NLGN1: variants seen among roughly 807,000 people sequenced by gnomAD.
The protein encoded by NLGN1 is neuroligin 1.
A neutral mutation model predicts 65.5 loss-of-function variants in NLGN1; 12 were observed. That is an observed-to-expected ratio of 0.18 (90% CI 0.12 to 0.30). The LOEUF (loss-of-function observed/expected upper bound fraction) is 0.30, where lower values mean the gene tolerates loss of function less well. NLGN1 is among the 10% of genes least tolerant of loss of function. The pLI, the probability that NLGN1 is intolerant of heterozygous loss-of-function variation, is 1.00. For synonymous variants in NLGN1, 350 were observed against 359.5 expected (o/e 0.97, Z 0.30); for missense variants, 750 against 1,007.1 (o/e 0.74, Z 3.46).
At chr3:173,716,846 G>A (rs190308346) in intron 3 of NLGN1, among the ~76,000 whole-genome samples, 5 of 152,028 alleles carry the variant, frequency 3.3e-5, no homozygotes, top group East Asian at 3.9e-4. Context: ...AATATTTGTC[G>A]TGTATCTTGA....
intron 4 of NLGN1, among the ~76,000 whole-genome samples, chr3:173,850,925 T>C (rs1369229489): frequency 1.3e-5 from 2 of 151,742 alleles, no homozygotes; most frequent in South Asian, 2.1e-4. Flanking sequence ...TTTTACTTTC[T>C]GTAGAGATGA....
intron 4 of NLGN1, among the ~76,000 whole-genome samples, chr3:174,250,196 A>G (rs1235296505): frequency 6.6e-6 from 1 of 152,206 alleles, no homozygotes; most frequent in Non-Finnish European, 1.5e-5. Context: ...CAGGGCTATT[A>G]TATCAATTAA....
At chr3:174,134,474 C>T (rs935414971) in intron 4 of NLGN1, among the ~76,000 whole-genome samples, 4 of 151,934 alleles carry the variant, frequency 2.6e-5, no homozygotes, top group South Asian at 2.1e-4. Flanking sequence ...TAACACATTA[C>T]GGATGAAAAA....
rs559792706 is a variant in NLGN1 at position 173,754,926 on chromosome 3, C to T, written c.494-52754C>T. The stretch of plus-strand genomic sequence containing the variant: ...AATTCCAGTATTTGTCACCTTCAAT[C>T]ACTCATCACAGAGTTTACCATGAAA... On this transcript the variant is annotated intron_variant, in intron 3 of 6. Transcript: ENST00000457714. Among the ~76,000 whole-genome samples the T allele has an allele frequency of 2.6e-5, 4 of 152,174 alleles. No individual in the cohort carries two copies. In the South Asian group the frequency reaches 8.3e-4, roughly 32 times the overall value.
chr3:174,132,044 G>T (rs1447925012), intron 4 of NLGN1, among the ~76,000 whole-genome samples: 1 of 152,156 alleles, frequency 6.6e-6, no homozygotes, highest in Non-Finnish European at 1.5e-5. Context: ...ATTCATAGTT[G>T]TTATTCTTCA....
intron 2 of NLGN1, among the ~76,000 whole-genome samples, chr3:173,446,193 C>T (rs1720252074): frequency 6.6e-6 from 1 of 150,386 alleles, no homozygotes; most frequent in East Asian, 2.0e-4. Context: ...TTAGGTATAT[C>T]TCCTAATGCT....
At chr3:173,607,684 C>T (rs887066358) in intron 3 of NLGN1, among the ~76,000 whole-genome samples, 1 of 151,352 alleles carries the variant, frequency 6.6e-6, no homozygotes, top group Non-Finnish European at 1.5e-5. Context: ...AATTATTAGT[C>T]CCTTTATATC....
chr3:173,871,394 A>C (rs1731139121), intron 4 of NLGN1, among the ~76,000 whole-genome samples: 1 of 152,208 alleles, frequency 6.6e-6, no homozygotes, highest in African/African-American at 2.4e-5. Context: ...CTCAGTGATA[A>C]CAGGAAGTAT....
chr3:173,608,250 A>G (rs1419012449), intron 3 of NLGN1, among the ~76,000 whole-genome samples: 1 of 151,900 alleles, frequency 6.6e-6, no homozygotes, highest in African/African-American at 2.4e-5. Context: ...TCCCAGTTGT[A>G]CTTTTTAATC....
chr3:173,967,106 G>C (rs1040043140), intron 4 of NLGN1, among the ~76,000 whole-genome samples: 13 of 152,212 alleles, frequency 8.5e-5, no homozygotes, highest in Admixed American at 8.5e-4. Context: ...CTGAAATTCA[G>C]ATTTACTGGG....
chr3:174,147,319 A>G (rs575454548), intron 4 of NLGN1, among the ~76,000 whole-genome samples: 1 of 151,858 alleles, frequency 6.6e-6, no homozygotes, highest in Non-Finnish European at 1.5e-5. Flanking sequence ...TCTACCGAAC[A>G]AGAGCAAATT....
rs137943391 is a variant in NLGN1, at chr3:173,462,104, G to A, written c.-321+27026G>A. Among the ~76,000 whole-genome samples the A allele has an allele frequency of 4.6e-3, 699 of 152,252 alleles. 9 individuals carry two copies. Among genetic ancestry groups the A allele is most frequent in the African/African-American group, 0.016 (651 of 41,548 alleles). On this transcript the variant is annotated intron_variant, in intron 2 of 6. Coordinates refer to ENST00000457714, the Ensembl canonical transcript of NLGN1. Reference sequence around the variant, plus strand: ...AGAATTTTTTATTATTAGGTTCAGTGCTGTTACTGTTTTGAATTCCTATAA... The same window carrying A: ...AGAATTTTTTATTATTAGGTTCAGTACTGTTACTGTTTTGAATTCCTATAA...
rs537683431 is a variant in NLGN1, at chr3:173,718,004, T to G, written c.494-89676T>G. On this transcript the variant is annotated intron_variant, in intron 3 of 6. Coordinates refer to ENST00000457714, the Ensembl canonical transcript of NLGN1. Reference sequence around the variant, plus strand: ...TGTTAGAACTTCACTCTACATATTTTTTAGTGTTTTTTATTGACATTAAAC... The same window carrying G: ...TGTTAGAACTTCACTCTACATATTTGTTAGTGTTTTTTATTGACATTAAAC... 8.5e-5 allele frequency among the ~76,000 whole-genome samples: 13 copies of G among 152,286 alleles called. No individual in the cohort carries two copies. In the South Asian group the frequency reaches 1.9e-3, roughly 22 times the overall value.
intron 2 of NLGN1, among the ~76,000 whole-genome samples, chr3:173,596,807 A>C (rs938057083): frequency 2.0e-5 from 3 of 152,026 alleles, no homozygotes; most frequent in Non-Finnish European, 2.9e-5. Context: ...CTTGGTTTTA[A>C]TTGTTTTATA....
rs113626092 is a variant in NLGN1 at position 173,570,553 on chromosome 3, G to A, written c.-320-33726G>A. ...GGCCTCTGCTTCCTTCTTTGTAAAA[G>A]GAGCATGTGATTTTTAGCGCTCCAG... On this transcript the variant is annotated intron_variant, in intron 2 of 6. Transcript: ENST00000457714. Among the ~76,000 whole-genome samples, 610 of 152,262 alleles carry A rather than the reference G, an allele frequency of 4.0e-3. 4 individuals are homozygous for A. The highest frequency in any genetic ancestry group is 6.2e-3 in the Non-Finnish European group (423 of 68,014).
chr3:173,992,107 G>C (rs1010755951), intron 4 of NLGN1, among the ~76,000 whole-genome samples: 9 of 152,056 alleles, frequency 5.9e-5, no homozygotes, highest in East Asian at 3.9e-4. Flanking sequence ...TTGGTTTTAC[G>C]TGAAGATCTC....
At chr3:173,676,868 G>A (rs1025746686) in intron 3 of NLGN1, among the ~76,000 whole-genome samples, 3 of 152,014 alleles carry the variant, frequency 2.0e-5, no homozygotes, top group African/African-American at 4.8e-5. Context: ...TATTTTGTTT[G>A]TGTCTCTCTT....
intron 2 of NLGN1, among the ~76,000 whole-genome samples, chr3:173,485,967 T>C (rs1728109437): frequency 6.6e-6 from 1 of 152,150 alleles, no homozygotes; most frequent in African/African-American, 2.4e-5. Context: ...TTTTTTAACC[T>C]CTCAGAAATC....
At chr3:174,177,692 C>A (rs940281453) in intron 4 of NLGN1, among the ~76,000 whole-genome samples, 1 of 152,022 alleles carries the variant, frequency 6.6e-6, no homozygotes, top group East Asian at 1.9e-4. Context: ...ATATGAGATT[C>A]TTATATTCAA....
Sources: gnomAD v4.1 joint callset for allele counts (sites outside exome capture counted in the v4.1 genomes callset) on GRCh38, gnomAD v4.1.1 for gene constraint, MANE v1.5 for transcripts, NCBI Gene and HGNC (gene_info 2026-07-23, HGNC 2026-07-21) for gene names.